Variants in GABRG3 observed in about 807,000 individuals in gnomAD.
The protein encoded by GABRG3 is gamma-aminobutyric acid receptor subunit gamma-3.
Under a neutral mutation model 48.8 loss-of-function variants are expected in GABRG3, and 25 were observed. That is an observed-to-expected ratio of 0.51 (90% CI 0.37 to 0.72). GABRG3 has a LOEUF of 0.72. Ranked by LOEUF, GABRG3 falls within the 30% of genes least tolerant of loss-of-function variation. The pLI is 0.00. For synonymous variants in GABRG3, 227 were observed against 217.6 expected (o/e 1.04, Z -0.38); for missense variants, 394 against 577.9 (o/e 0.68, Z 3.26).
At chr15:27,382,128 T>C (rs920132560) in intron 5 of GABRG3, among the ~76,000 whole-genome samples, 9 of 152,234 alleles carry the variant, frequency 5.9e-5, no homozygotes, top group African/African-American at 2.2e-4. Context: ...TCTAAGCTTC[T>C]ACACTCCATT....
At position 26,977,038 on chromosome 15, in the gene GABRG3, A is replaced by G. The variant is rs371956089; in HGVS notation, c.90A>G (p.Ser30=). Residue 30 remains serine, a synonymous_variant, in exon 2 of 10, where the codon TCA becomes TCG. Transcript: ENST00000615808. ...TGGAAGAGGATGAATATGAAGATTCATCATCAAACCAAAAGTGGGTCTTGG... is the reference window on the plus strand; with the variant it reads ...TGGAAGAGGATGAATATGAAGATTCGTCATCAAACCAAAAGTGGGTCTTGG... ...RKVEEDEYED[S]SSNQKWVLAP... 5.5e-5 allele frequency: 89 copies of G among 1,613,954 alleles called. No individual in the cohort carries two copies. The African/African-American group carries it at 1.0e-3, about 19-fold the overall frequency.
intron 6 of GABRG3, among the ~76,000 whole-genome samples, chr15:27,508,823 C>G (rs777993022): frequency 1.3e-5 from 2 of 152,104 alleles, no homozygotes; most frequent in Non-Finnish European, 1.5e-5. Flanking sequence ...ACGCCATTCT[C>G]TCACCCCAGC....
intron 3 of GABRG3, among the ~76,000 whole-genome samples, chr15:27,325,371 A>T (rs1172003475): frequency 6.6e-6 from 1 of 152,136 alleles, no homozygotes; most frequent in African/African-American, 2.4e-5. Context: ...GAGATGCTAC[A>T]TGTGACCTGC....
At chr15:27,169,657 C>G (rs1004271806) in intron 3 of GABRG3, among the ~76,000 whole-genome samples, 1 of 152,158 alleles carries the variant, frequency 6.6e-6, no homozygotes, top group Non-Finnish European at 1.5e-5. Flanking sequence ...GCAGCCCTCC[C>G]GGCCACTCCA....
At chr15:27,341,184 G>A (rs1393730379) in intron 5 of GABRG3, among the ~76,000 whole-genome samples, 1 of 152,164 alleles carries the variant, frequency 6.6e-6, no homozygotes, top group Non-Finnish European at 1.5e-5. Context: ...GATGGTGTAG[G>A]AGAAGACATT....
intron 5 of GABRG3, among the ~76,000 whole-genome samples, chr15:27,401,283 C>T (rs1464621595): frequency 6.6e-6 from 1 of 152,114 alleles, no homozygotes; most frequent in Admixed American, 6.5e-5. Context: ...TCGTTTACAT[C>T]AATGTGATTG....
intron 3 of GABRG3, among the ~76,000 whole-genome samples, chr15:27,159,154 G>A (rs966053343): frequency 1.3e-5 from 2 of 152,080 alleles, no homozygotes; most frequent in South Asian, 2.1e-4. Flanking sequence ...AATTTTTATG[G>A]TTAAAAGAAT....
At chr15:27,426,348 GAGTT>G (rs1888291886) in intron 5 of GABRG3, among the ~76,000 whole-genome samples, 1 of 152,196 alleles carries the variant, frequency 6.6e-6, no homozygotes, top group African/African-American at 2.4e-5. Flanking sequence ...AGGAAAAAAA[GAGTT>G]AGTTATTTTA....
At chr15:27,062,129 A>T (rs1199269248) in intron 3 of GABRG3, among the ~76,000 whole-genome samples, 1 of 152,094 alleles carries the variant, frequency 6.6e-6, no homozygotes, top group Non-Finnish European at 1.5e-5. Flanking sequence ...AGTGCCTGTG[A>T]TAGAGTTTCC....
At chr15:27,239,018 G>A (rs1268883321) in intron 3 of GABRG3, among the ~76,000 whole-genome samples, 1 of 152,162 alleles carries the variant, frequency 6.6e-6, no homozygotes, top group East Asian at 1.9e-4. Flanking sequence ...GCATTTATGT[G>A]GAATGAAGCA....
At chr15:27,015,362 G>A (rs1247168505) in intron 2 of GABRG3, among the ~76,000 whole-genome samples, 3 of 149,070 alleles carry the variant, frequency 2.0e-5, no homozygotes, top group Admixed American at 6.7e-5. Context: ...CTCTCTTGCC[G>A]CTCACTTTCT....
At chr15:27,050,570 T>A (rs1470041349) in intron 3 of GABRG3, among the ~76,000 whole-genome samples, 1 of 152,196 alleles carries the variant, frequency 6.6e-6, no homozygotes, top group Non-Finnish European at 1.5e-5. Flanking sequence ...AGCCCTTATT[T>A]GCCCAGGAGA....
intron 5 of GABRG3, among the ~76,000 whole-genome samples, chr15:27,468,692 T>C (rs1889691896): frequency 6.6e-6 from 1 of 152,244 alleles, no homozygotes; most frequent in African/African-American, 2.4e-5. Context: ...TGTTCAAGTA[T>C]AATTTTTATT....
intron 5 of GABRG3, among the ~76,000 whole-genome samples, chr15:27,430,022 T>C (rs964885135): frequency 2.6e-5 from 4 of 152,168 alleles, no homozygotes; most frequent in African/African-American, 9.7e-5. Context: ...CCATGAGCAG[T>C]GTAAGGGGGT....
chr15:27,246,914 G>A (rs1566978622), intron 3 of GABRG3, among the ~76,000 whole-genome samples: 1 of 152,242 alleles, frequency 6.6e-6, no homozygotes, highest in East Asian at 1.9e-4. Flanking sequence ...TGATGATTGC[G>A]TGTGTTGCAT....
In GABRG3 at chr15:27,541,962, A is replaced by T. The variant is rs1891667986; in HGVS notation, c.*9081A>T. 6.6e-6 allele frequency: 1 copy of T among 152,298 alleles called. No homozygotes were observed. The highest frequency in any genetic ancestry group is 1.5e-5 in the Non-Finnish European group (1 of 68,078). 9.4% of individuals were successfully genotyped at this position (152,298 alleles called of 1,614,324 possible). A position where few individuals can be genotyped will look rare whatever the true frequency, so the allele number is the denominator to read the frequency against. On this transcript the variant is annotated 3_prime_UTR_variant, in exon 10 of 10. Transcript: ENST00000615808. ...TCCTACGTTTGTACTTCTAATACAA[A>T]TAAATGCACATGTTGTCAGAAATAC...
At chr15:27,520,299 A>G (rs1252254957) in intron 7 of GABRG3, among the ~76,000 whole-genome samples, 175 bp downstream of exon 7, 3 of 152,298 alleles carry the variant, frequency 2.0e-5, no homozygotes, top group African/African-American at 7.2e-5. Flanking sequence ...CTTTCTCACA[A>G]TGGGATTCTA....
intron 3 of GABRG3, among the ~76,000 whole-genome samples, chr15:27,302,467 AAC>A (rs1425653685): frequency 2.6e-5 from 4 of 152,220 alleles, no homozygotes; most frequent in African/African-American, 9.6e-5. Context: ...TGCATCAAAC[AAC>A]AGAGATGCAA....
At chr15:27,395,318 G>A (rs376464633) in intron 5 of GABRG3, among the ~76,000 whole-genome samples, 39 of 152,248 alleles carry the variant, frequency 2.6e-4, no homozygotes, top group African/African-American at 6.3e-4. Context: ...GTCCTTGTAC[G>A]TAATTTCTAT....
Sources: gnomAD v4.1 joint callset for allele counts (sites outside exome capture counted in the v4.1 genomes callset) on GRCh38, gnomAD v4.1.1 for gene constraint, MANE v1.5 for transcripts, NCBI Gene and HGNC (gene_info 2026-07-23, HGNC 2026-07-21) for gene names.